The following SUN3 variants were observed in gnomAD, a reference collection of about 807,000 sequenced individuals.
SUN3 encodes Sad1 and UNC84 domain containing 3.
SUN3 carries 36 observed loss-of-function variants against 48.2 expected under a neutral mutation model. The observed-to-expected ratio is 0.75, with a 90% confidence interval of 0.57 to 0.99. SUN3 has a LOEUF of 0.99. Among genes scored for constraint, SUN3 ranks in the 50% least tolerant of loss-of-function variants. SUN3 has a pLI of 0.00. For synonymous variants in SUN3, 148 were observed against 147.9 expected (o/e 1.00, Z 0.00); for missense variants, 419 against 433.1 (o/e 0.97, Z 0.29).
At chr7:48,004,611 C>T (rs1789473706) in intron 6 of SUN3, among the ~76,000 whole-genome samples, 1 of 152,256 alleles carries the variant, frequency 6.6e-6, no homozygotes, top group Admixed American at 6.5e-5. Context: ...CAGGCGTCTT[C>T]TCTGCAGCTT....
At chr7:48,033,285 G>A (rs920264339), upstream of SUN3, among the ~76,000 whole-genome samples, 2 of 152,202 alleles carry the variant, frequency 1.3e-5, no homozygotes, top group Admixed American at 1.3e-4. Context: ...AGTTGGCTAG[G>A]TGTGGTGGCT....
At chr7:48,007,490 C>T (rs528390038) in intron 4 of SUN3, among the ~76,000 whole-genome samples, 163 bp from the exon 5 acceptor site, 21 of 152,052 alleles carry the variant, frequency 1.4e-4, no homozygotes, top group African/African-American at 4.3e-4. Flanking sequence ...TAAAGCATCA[C>T]GCTTCACTAA....
intron 6 of SUN3, among the ~76,000 whole-genome samples, chr7:48,001,522 G>GTTTTTTTTTTTTTT (rs1286421253): frequency 6.6e-5 from 8 of 121,888 alleles, no homozygotes; most frequent in Admixed American, 1.7e-4. Context: ...TGTCTTTTCT[G>GTTTTTTTTTTTTTT]TTTTTTTTGT....
In SUN3 at chr7:48,017,284, C is replaced by G; in HGVS notation, c.266G>C (p.Gly89Ala). The change falls in exon 3 of 10, where the codon GGT becomes GCT. Residue 89 changes from glycine (G) to alanine (A), a missense_variant. Coordinates refer to ENST00000297325, the MANE Select transcript of SUN3 (RefSeq NM_001030019.2). ...RQLYAIIAEY[G>A]SRLYKYQARL... ...CACCTGATATTTATAAAGCCTTGAACCATATTCTGCAATTATGGCATATAA... is the reference window on the plus strand; with the variant it reads ...CACCTGATATTTATAAAGCCTTGAAGCATATTCTGCAATTATGGCATATAA... 6.3e-7 allele frequency: 1 copy of G among 1,597,150 alleles called. No individual in the cohort carries two copies. The highest frequency in any genetic ancestry group is 8.6e-7 in the Non-Finnish European group (1 of 1,167,452).
At chr7:48,026,151 G>A (rs1011891118) in intron 1 of SUN3, among the ~76,000 whole-genome samples, 1 of 152,018 alleles carries the variant, frequency 6.6e-6, no homozygotes, top group Non-Finnish European at 1.5e-5. Flanking sequence ...CAGCATATAT[G>A]AGTGCGCATA....
chr7:48,011,846 A>C (rs930922873), intron 3 of SUN3, among the ~76,000 whole-genome samples: 1 of 152,250 alleles, frequency 6.6e-6, no homozygotes, highest in African/African-American at 2.4e-5. Context: ...AAAGTAAGAT[A>C]ATGCGAGAAG....
intron 8 of SUN3, among the ~76,000 whole-genome samples, chr7:47,993,642 G>T (rs1789126209): frequency 6.6e-6 from 1 of 152,160 alleles, no homozygotes; most frequent in South Asian, 2.1e-4. Flanking sequence ...ACCAGTGGTT[G>T]CCAGGGGCTG....
intron 3 of SUN3, among the ~76,000 whole-genome samples, chr7:48,011,516 T>C (rs1048241054): frequency 1.3e-5 from 2 of 152,218 alleles, no homozygotes; most frequent in Non-Finnish European, 1.5e-5. Context: ...CATTGGTAGA[T>C]AGAGATTCTC....
intron 3 of SUN3, among the ~76,000 whole-genome samples, chr7:48,009,281 A>G (rs1789617081): frequency 6.6e-6 from 1 of 152,188 alleles, no homozygotes. Context: ...AGATGAGGTA[A>G]TGCAAATCTA....
chr7:47,998,211 G>T (rs1214753240), intron 6 of SUN3, among the ~76,000 whole-genome samples: 1 of 152,214 alleles, frequency 6.6e-6, no homozygotes, highest in Non-Finnish European at 1.5e-5. Flanking sequence ...GGTCCATTTT[G>T]TTCATGCGGT....
At chr7:47,995,594 G>C (rs1309425104) in intron 7 of SUN3, among the ~76,000 whole-genome samples, 2 of 152,176 alleles carry the variant, frequency 1.3e-5, no homozygotes, top group Non-Finnish European at 2.9e-5. Context: ...CTTACTTGGA[G>C]ATTTCTCCTG....
chr7:47,990,729 GT>G (rs1016286809), intron 8 of SUN3, among the ~76,000 whole-genome samples: 1 of 151,698 alleles, frequency 6.6e-6, no homozygotes, highest in African/African-American at 2.4e-5. Flanking sequence ...ACCTTGTTGG[GT>G]TTTTTTAAGA....
intron 6 of SUN3, among the ~76,000 whole-genome samples, chr7:48,005,675 G>T (rs1316276379): frequency 6.6e-6 from 1 of 151,638 alleles, no homozygotes; most frequent in Non-Finnish European, 1.5e-5. Context: ...AATACAAAAT[G>T]TCCTAATATT....
At chr7:48,010,092 CACACACACAA>C (rs1312911994) in intron 3 of SUN3, among the ~76,000 whole-genome samples, 1 of 151,914 alleles carries the variant, frequency 6.6e-6, no homozygotes, top group Non-Finnish European at 1.5e-5. Context: ...GCATGAGACA[CACACACACAA>C]ACACACACAC....
At chr7:48,021,309 A>G (rs1312060014) in intron 2 of SUN3, among the ~76,000 whole-genome samples, 1 of 152,144 alleles carries the variant, frequency 6.6e-6, no homozygotes, top group East Asian at 1.9e-4. Flanking sequence ...TGAAACAACT[A>G]TAAGAAAACA....
chr7:48,022,500 C>T lies in SUN3; in HGVS notation c.184+3377G>A, dbSNP rs575762455. On this transcript the variant is annotated intron_variant, in intron 2 of 9. Coordinates refer to ENST00000297325, the MANE Select transcript of SUN3 (RefSeq NM_001030019.2). Reference sequence around the variant, plus strand: ...TTCATGATATGATTATTTCACATTGCATGCCTGTATCAAAACATCTCAGGT... The same window carrying T: ...TTCATGATATGATTATTTCACATTGTATGCCTGTATCAAAACATCTCAGGT... Among the ~76,000 whole-genome samples the T allele has an allele frequency of 6.6e-5, 10 of 152,138 alleles. No individual in the cohort carries two copies. The South Asian group carries it at 1.5e-3, about 22-fold the overall frequency.
intron 6 of SUN3, among the ~76,000 whole-genome samples, chr7:47,997,556 G>T (rs889116625): frequency 6.6e-6 from 1 of 152,118 alleles, no homozygotes; most frequent in African/African-American, 2.4e-5. Flanking sequence ...TTCATTAAAA[G>T]ATTTAAATCA....
intron 7 of SUN3, among the ~76,000 whole-genome samples, chr7:47,995,316 T>C (rs1789179779): frequency 6.7e-6 from 1 of 149,794 alleles, no homozygotes; most frequent in East Asian, 2.0e-4. Context: ...GAGGTTGTGA[T>C]GAAGAAAGAT....
chr7:48,020,385 C>G (rs1230444689), intron 2 of SUN3, among the ~76,000 whole-genome samples: 1 of 152,124 alleles, frequency 6.6e-6, no homozygotes, highest in East Asian at 1.9e-4. Flanking sequence ...AACTGAAAGC[C>G]TTTCCTCAAA....
Sources: gnomAD v4.1 joint callset for allele counts (sites outside exome capture counted in the v4.1 genomes callset) on GRCh38, gnomAD v4.1.1 for gene constraint, MANE v1.5 for transcripts, NCBI Gene and HGNC (gene_info 2026-07-23, HGNC 2026-07-21) for gene names.